The following RIMBP2 variants were observed in gnomAD, a reference collection of about 807,000 sequenced individuals.
The protein encoded by RIMBP2 is RIMS binding protein 2, also known as RIMS-binding protein 2.
RIMBP2 carries 48 observed loss-of-function variants against 118.6 expected under a neutral mutation model. The ratio of observed to expected loss-of-function variants is 0.40; its 90% CI spans 0.32 to 0.51. RIMBP2 has a LOEUF of 0.51. Ranked by LOEUF, RIMBP2 falls within the 20% of genes least tolerant of loss-of-function variation. RIMBP2 has a pLI of 0.41. For missense variants in RIMBP2, 1,551 were observed against 1,768.3 expected (o/e 0.88, Z 2.20); for synonymous variants, 762 against 742.9 (o/e 1.03, Z -0.42).
In RIMBP2 at chr12:130,442,744, A is replaced by C; in HGVS notation, c.692-84T>G. On this transcript the variant is annotated intron_variant, in intron 10 of 22. Transcript: ENST00000690449. This position sits in a 1 kb window ranked among gnomAD's most constrained non-coding sequence, Gnocchi z 6.9. ...CCAGTGTACTCCCACCTCCCCCACC[A>C]GGACCATAAGGCAGAGCAACAGGGT... 1 of 1,172,322 alleles carries C rather than the reference A, an allele frequency of 8.5e-7. No homozygotes were observed. Among genetic ancestry groups the C allele is most frequent in the Admixed American group, 2.3e-5 (1 of 43,606 alleles). 72.6% of individuals were successfully genotyped at this position (1,172,322 alleles called of 1,614,324 possible). A position where few individuals can be genotyped will look rare whatever the true frequency, so the allele number is the denominator to read the frequency against.
At chr12:130,706,473 T>G (rs942434920) in intron 1 of RIMBP2, among the ~76,000 whole-genome samples, 1 of 152,240 alleles carries the variant, frequency 6.6e-6, no homozygotes, top group Non-Finnish European at 1.5e-5. Context: ...TGACTGTGGC[T>G]AATTCCACCA....
intron 2 of RIMBP2, among the ~76,000 whole-genome samples, chr12:130,600,232 TA>T (rs2059789715): frequency 6.6e-6 from 1 of 152,228 alleles, no homozygotes; most frequent in East Asian, 1.9e-4. Context: ...ACTGCCATTT[TA>T]AGTTTCACCT....
chr12:130,515,438 T>A (rs565256028), intron 3 of RIMBP2, among the ~76,000 whole-genome samples: 2 of 152,150 alleles, frequency 1.3e-5, no homozygotes, highest in South Asian at 4.1e-4. Context: ...CTGATGACTC[T>A]AGGAACCTCA....
intron 4 of RIMBP2, among the ~76,000 whole-genome samples, chr12:130,500,389 C>A (rs1465619084): frequency 5.3e-5 from 8 of 152,166 alleles, no homozygotes; most frequent in African/African-American, 1.9e-4. Flanking sequence ...ACCTGGCAGG[C>A]GGAGGTTGCA....
chr12:130,610,336 G>A (rs1369276315), intron 2 of RIMBP2, among the ~76,000 whole-genome samples: 1 of 152,186 alleles, frequency 6.6e-6, no homozygotes, highest in Non-Finnish European at 1.5e-5. Flanking sequence ...AGGGCTTAAA[G>A]CTACACTTTG....
In RIMBP2 at chr12:130,710,651, G is replaced by A. The variant is rs1044194573; in HGVS notation, c.-352+5571C>T. Among the ~76,000 whole-genome samples, 4 of 151,764 alleles carry A rather than the reference G, an allele frequency of 2.6e-5. No homozygotes were observed. The highest frequency in any genetic ancestry group is 2.1e-4 in the South Asian group (1 of 4,812). ...AAGTGGCAGGTGCTGCACCTCCCCC[G>A]CCCCAGGCTCAGCACCAACAGGAAG... On this transcript the variant is annotated intron_variant, in intron 1 of 22. Coordinates refer to ENST00000690449, the MANE Select transcript of RIMBP2 (RefSeq NM_001393629.1). This position sits in a 1 kb window ranked among gnomAD's most constrained non-coding sequence, Gnocchi z 4.3.
intron 17 of RIMBP2, among the ~76,000 whole-genome samples, chr12:130,417,746 T>C (rs181713681): frequency 7.7e-4 from 117 of 152,318 alleles, no homozygotes; most frequent in African/African-American, 2.7e-3. Flanking sequence ...AAAGTTTATT[T>C]TAAGAAATCA....
At chr12:130,666,051 C>A (rs769899026) in intron 1 of RIMBP2, among the ~76,000 whole-genome samples, 3 of 152,168 alleles carry the variant, frequency 2.0e-5, no homozygotes, top group Non-Finnish European at 4.4e-5. Context: ...GGACCCAAGG[C>A]TGGCAGTGAG....
At chr12:130,476,172 C>T (rs1482740452) in intron 5 of RIMBP2, among the ~76,000 whole-genome samples, 3 of 152,140 alleles carry the variant, frequency 2.0e-5, no homozygotes, top group Non-Finnish European at 4.4e-5. Flanking sequence ...ACTGGGCCTC[C>T]GGGTCAAAGA....
intron 2 of RIMBP2, among the ~76,000 whole-genome samples, chr12:130,618,723 T>C (rs2061114419): frequency 6.6e-6 from 1 of 152,196 alleles, no homozygotes. Context: ...GAAACATCTT[T>C]ATAGCTCTGT....
At chr12:130,520,821 C>T (rs539054522) in intron 2 of RIMBP2, among the ~76,000 whole-genome samples, 1 of 152,240 alleles carries the variant, frequency 6.6e-6, no homozygotes, top group South Asian at 2.1e-4. Flanking sequence ...TTCAGTGACA[C>T]AGACAGCCAG....
rs914956550 is a variant in RIMBP2 at position 130,523,563 on chromosome 12, T to TA, written c.-216-5647dup. Reference sequence around the variant, plus strand: ...CCCCTTCCCCATCAGGAGCTCCAGTTAAATCCCCATTTCAATGGACAAGGT... The same window carrying TA: ...CCCCTTCCCCATCAGGAGCTCCAGTTAAAATCCCCATTTCAATGGACAAGGT... On this transcript the variant is annotated intron_variant, in intron 2 of 22. Coordinates refer to ENST00000690449, the MANE Select transcript of RIMBP2 (RefSeq NM_001393629.1). The surrounding 1 kb of genome is among the most constrained non-coding windows in gnomAD (Gnocchi z 4.4). 2.0e-5 allele frequency among the ~76,000 whole-genome samples: 3 copies of TA among 152,184 alleles called. No individual in the cohort carries two copies. The highest frequency in any genetic ancestry group is 7.2e-5 in the African/African-American group (3 of 41,456).
rs1202330499 is a variant in RIMBP2 at position 130,441,960 on chromosome 12, G to T, written c.1392C>A (p.Asn464Lys). ...CCAGAACCTTCACCTTATAGGCCAT[G>T]TTGGGCCTGAGATTGAAGAACTGGT... is the stretch of plus-strand genomic sequence containing the variant. ...YKYQFFNLRPNMAYKVKVLAK... is the reference protein window; with the variant it reads ...YKYQFFNLRPKMAYKVKVLAK... Residue 464 changes from asparagine (N) to lysine (K), a missense_variant, in exon 11 of 23, where the codon AAC becomes AAA. Asn to Lys is a moderately conservative substitution (Grantham distance 94). Transcript: ENST00000690449. 1 of 1,614,014 alleles carries T rather than the reference G, an allele frequency of 6.2e-7. No individual in the cohort carries two copies. Among genetic ancestry groups the T allele is most frequent in the African/African-American group, 1.3e-5 (1 of 74,956 alleles).
chr12:130,574,024 G>A (rs1346714055), intron 2 of RIMBP2, among the ~76,000 whole-genome samples: 1 of 152,164 alleles, frequency 6.6e-6, no homozygotes, highest in Non-Finnish European at 1.5e-5. Flanking sequence ...GTCTCCTAGA[G>A]TGGGTTTTCA....
rs115426489 is a variant in RIMBP2 at position 130,540,593 on chromosome 12, C to T, written c.-216-22676G>A. On this transcript the variant is annotated intron_variant, in intron 2 of 22. Transcript: ENST00000690449. Reference sequence around the variant, plus strand: ...CTGGACAGTGACTCACCAGAACCTTCGCCCGTCATGACTGCCTAAGGGACC... The same window carrying T: ...CTGGACAGTGACTCACCAGAACCTTTGCCCGTCATGACTGCCTAAGGGACC... Among the ~76,000 whole-genome samples, 904 of 152,258 alleles carry T rather than the reference C, an allele frequency of 5.9e-3. 3 individuals carry two copies. The highest frequency in any genetic ancestry group is 0.019 in the African/African-American group (794 of 41,554).
chr12:130,555,173 T>C (rs1267422358), intron 2 of RIMBP2, among the ~76,000 whole-genome samples: 2 of 152,220 alleles, frequency 1.3e-5, no homozygotes, highest in Non-Finnish European at 2.9e-5. Context: ...GGTGCTTAAC[T>C]ACTATCCTGT....
At chr12:130,545,715 G>A (rs35088836) in intron 2 of RIMBP2, among the ~76,000 whole-genome samples, 4 of 152,090 alleles carry the variant, frequency 2.6e-5, no homozygotes, top group Admixed American at 6.5e-5. Flanking sequence ...AGAGGGGAGC[G>A]CCGTGCTAAG....
Position 130,570,620 on chromosome 12 carries a change from G to A in RIMBP2, c.-216-52703C>T, listed in dbSNP as rs77123637. On this transcript the variant is annotated intron_variant, in intron 2 of 22. Transcript: ENST00000690449. Reference sequence around the variant, plus strand: ...ACACCTGCTCTGTGTGGCTGTGGACGAGTCGTCTAGACTGCCTGCTCTCTG... The same window carrying A: ...ACACCTGCTCTGTGTGGCTGTGGACAAGTCGTCTAGACTGCCTGCTCTCTG... Among the ~76,000 whole-genome samples, 90 of 152,200 alleles carry A rather than the reference G, an allele frequency of 5.9e-4. 1 individual carries two copies. Among genetic ancestry groups the A allele is most frequent in the South Asian group, 1.0e-3 (5 of 4,814 alleles).
chr12:130,592,357 G>C (rs1210394962), intron 2 of RIMBP2, among the ~76,000 whole-genome samples: 2 of 152,130 alleles, frequency 1.3e-5, no homozygotes, highest in Non-Finnish European at 2.9e-5. Context: ...TGTTTTGACA[G>C]CCACCCCTTT....
Sources: allele counts gnomAD v4.1 joint callset (sites outside exome capture counted in the v4.1 genomes callset), GRCh38; gene constraint gnomAD v4.1.1; non-coding constraint Gnocchi (gnomAD v3.1); transcripts MANE v1.5; gene names NCBI Gene and HGNC (gene_info 2026-07-23, HGNC 2026-07-21).